The following KIF1B variants were observed in gnomAD, a reference collection of about 807,000 sequenced individuals.
The protein encoded by KIF1B is kinesin family member 1B, also known as kinesin-like protein KIF1B.
A neutral mutation model predicts 241.9 loss-of-function variants in KIF1B; 76 were observed. The ratio of observed to expected loss-of-function variants is 0.31; its 90% CI spans 0.26 to 0.38. The LOEUF (loss-of-function observed/expected upper bound fraction) is 0.38. Ranked by LOEUF, KIF1B falls within the 10% of genes least tolerant of loss-of-function variation. KIF1B has a pLI of 1.00. For missense variants in KIF1B, 1,622 were observed against 2,271.4 expected (o/e 0.71, Z 5.81); for synonymous variants, 750 against 796.7 (o/e 0.94, Z 0.99).
chr1:10,361,038 C>G lies in KIF1B; in HGVS notation c.4165C>G (p.Leu1389Val). 1 of 1,606,476 alleles carries G rather than the reference C, an allele frequency of 6.2e-7. No individual in the cohort carries two copies. The highest frequency in any genetic ancestry group is 2.2e-5 in the East Asian group (1 of 44,830). The change falls in exon 39 of 49, where the codon CTA becomes GTA. Residue 1389 changes from leucine to valine, a missense_variant. Physicochemically the swap from Leu to Val is conservative, Grantham distance 32. Transcript: ENST00000676179. ...EKIYMTLSAY[L>V]ELDHCIQPAV... The stretch of plus-strand genomic sequence containing the variant: ...GATCTACATGACCTTGTCGGCCTAC[C>G]TAGAGGTGAGGAGACTTGGAACTTC...
chr1:10,330,364 C>T (rs1651876019), intron 27 of KIF1B, among the ~76,000 whole-genome samples: 1 of 152,038 alleles, frequency 6.6e-6, no homozygotes, highest in Non-Finnish European at 1.5e-5. Context: ...ATAATAATGG[C>T]CTTCAATGCT....
In KIF1B at chr1:10,323,997, G is replaced by T; in HGVS notation, c.2472G>T (p.Val824=). 1.2e-6 allele frequency: 2 copies of T among 1,614,160 alleles called. No individual in the cohort carries two copies. The highest frequency in any genetic ancestry group is 1.1e-5 in the South Asian group (1 of 91,070). ...AGGACAGGCCTTTCCCTCGCACAGT[G>T]GTAGCAGTAGAAGTCCAGGATTTGA... ...THEDRPFPRT[V]VAVEVQDLKN... The change falls in exon 25 of 49, where the codon GTG becomes GTT. Residue 824 remains valine (V), a synonymous_variant. Transcript: ENST00000676179.
rs70997215 is a variant in KIF1B, at chr1:10,257,309, CAA to C, written c.183+1000_183+1001del. On this transcript the variant is annotated intron_variant, in intron 3 of 48. Coordinates refer to ENST00000676179, the MANE Select transcript of KIF1B (RefSeq NM_001365951.3). ...GATACCGTGCCTCTACTAAAAATTC[CAA>C]AAAAAAAAAAAAATTAGGTGGGCTT... Among the ~76,000 whole-genome samples the C allele has an allele frequency of 2.7e-3, 374 of 138,690 alleles. 1 individual carries two copies. Among genetic ancestry groups the C allele is most frequent in the African/African-American group, 3.7e-3 (138 of 37,456 alleles). The allele number at this position is 138,690 out of a possible 152,430, so 91.0% of individuals were successfully genotyped here.
At chr1:10,229,713 T>C (rs1376766329) in intron 1 of KIF1B, among the ~76,000 whole-genome samples, 2 of 149,820 alleles carry the variant, frequency 1.3e-5, no homozygotes, top group East Asian at 3.9e-4. Context: ...TACAAAAAAT[T>C]AGCCAGGCGT....
chr1:10,229,316 CAAAA>C (rs969605020), intron 1 of KIF1B, among the ~76,000 whole-genome samples: 60 of 151,640 alleles, frequency 4.0e-4, no homozygotes, highest in African/African-American at 1.4e-3. Context: ...ATTTAAAAAA[CAAAA>C]AAATCAGTAA....
chr1:10,246,809 C>T (rs1363352151), intron 2 of KIF1B, among the ~76,000 whole-genome samples: 1 of 152,146 alleles, frequency 6.6e-6, no homozygotes, highest in Non-Finnish European at 1.5e-5. Flanking sequence ...CATGTCACCC[C>T]TCTGCTTAAA....
intron 31 of KIF1B, among the ~76,000 whole-genome samples, chr1:10,338,289 C>T (rs957569678): frequency 1.3e-5 from 2 of 152,112 alleles, no homozygotes; most frequent in South Asian, 2.1e-4. Flanking sequence ...GTGCCTTGGC[C>T]GTCCCATGGG....
Position 10,334,437 on chromosome 1 carries a change from A to C in KIF1B, c.2925-83A>C, listed in dbSNP as rs149039553. ...AGGCCAGAAGTCAGCTCACAGTTGC[A>C]GGAAGATGTTCTCAGTGAATCTGAA... On this transcript the variant is annotated intron_variant, in intron 27 of 48. Coordinates refer to ENST00000676179, the MANE Select transcript of KIF1B (RefSeq NM_001365951.3). The C allele has an allele frequency of 1.5e-5, 16 of 1,038,032 alleles. No homozygotes were observed. In the African/African-American group the frequency reaches 2.5e-4, roughly 16 times the overall value. 64.3% of individuals were successfully genotyped at this position (1,038,032 alleles called of 1,614,324 possible). A position where few individuals can be genotyped will look rare whatever the true frequency, so the allele number is the denominator to read the frequency against.
At chr1:10,348,274 T>C (rs1652659983) in intron 36 of KIF1B, among the ~76,000 whole-genome samples, 1 of 152,150 alleles carries the variant, frequency 6.6e-6, no homozygotes, top group Non-Finnish European at 1.5e-5. Context: ...CAAAAGTACT[T>C]AAGACCCAAG....
At chr1:10,249,591 C>T (rs1557664019) in intron 2 of KIF1B, among the ~76,000 whole-genome samples, 1 of 152,286 alleles carries the variant, frequency 6.6e-6, no homozygotes, top group East Asian at 1.9e-4. Flanking sequence ...GAATGTCGTA[C>T]TTTGACTGTT....
rs1639002847 is a variant in KIF1B, at chr1:10,380,804, G to C, written c.*4217G>C. 4.6e-6 allele frequency: 1 copy of C among 219,614 alleles called. No homozygotes were observed. Among genetic ancestry groups the C allele is most frequent in the East Asian group, 6.7e-5 (1 of 14,892 alleles). The allele number at this position is 219,614 out of a possible 1,614,324, so 13.6% of individuals were successfully genotyped here. On this transcript the variant is annotated 3_prime_UTR_variant, in exon 49 of 49. Coordinates refer to ENST00000676179, the MANE Select transcript of KIF1B (RefSeq NM_001365951.3). ...TTGTGTGCACTACAGTTGTTCACCA[G>C]GGCCAGTGATTCACCCCAGTGTGTG...
intron 38 of KIF1B, 138 bp downstream of exon 38, chr1:10,352,874 C>CT (rs1302051300): frequency 1.5e-6 from 1 of 676,730 alleles, no homozygotes. Flanking sequence ...TCAAAAATCT[C>CT]TTTATTTCTT....
intron 1 of KIF1B, among the ~76,000 whole-genome samples, chr1:10,216,914 A>C (rs1646774210): frequency 7.0e-6 from 1 of 143,224 alleles, no homozygotes; most frequent in South Asian, 2.2e-4. Context: ...AGGAACTCGC[A>C]GTATTGGTTA....
chr1:10,376,444 T>C (rs1310747178), intron 48 of KIF1B, 101 bp from the exon 49 acceptor site: 2 of 1,192,134 alleles, frequency 1.7e-6, no homozygotes, highest in African/African-American at 1.5e-5. Context: ...CGGTGCCAAA[T>C]AGGAAGATGC....
At chr1:10,217,591 A>G (rs1021954385) in intron 1 of KIF1B, among the ~76,000 whole-genome samples, 2 of 152,042 alleles carry the variant, frequency 1.3e-5, no homozygotes, top group African/African-American at 4.8e-5. Context: ...TGCTGAGGTT[A>G]CAGGCGTGAG....
chr1:10,286,063 A>G (rs1382421209), intron 15 of KIF1B, among the ~76,000 whole-genome samples: 1 of 151,284 alleles, frequency 6.6e-6, no homozygotes. Context: ...TTTTTGAGAC[A>G]GAGTCTTGCT....
intron 2 of KIF1B, among the ~76,000 whole-genome samples, chr1:10,236,579 G>A (rs1647055229): frequency 6.6e-6 from 1 of 152,200 alleles, no homozygotes; most frequent in Admixed American, 6.5e-5. Context: ...TTTACAGTCA[G>A]TTTGGTTCCT....
intron 2 of KIF1B, among the ~76,000 whole-genome samples, chr1:10,251,428 T>TG (rs1325716545): frequency 1.3e-5 from 2 of 150,982 alleles, no homozygotes; most frequent in African/African-American, 4.9e-5. Context: ...AAAGGCTGAG[T>TG]GAAATATGGC....
chr1:10,316,131 GCTGAGGCAGGAGGATCACTTGAGC>G (rs1379740204), intron 22 of KIF1B, among the ~76,000 whole-genome samples: 1 of 151,078 alleles, frequency 6.6e-6, no homozygotes, highest in Non-Finnish European at 1.5e-5. Context: ...TACTTGGGAG[GCTGAGGCAGGAGGATCACTTGAGC>G]CTGAGAGGTC....
Sources: allele counts gnomAD v4.1 joint callset (sites outside exome capture counted in the v4.1 genomes callset), GRCh38; gene constraint gnomAD v4.1.1; transcripts MANE v1.5; gene names NCBI Gene and HGNC (gene_info 2026-07-23, HGNC 2026-07-21).